Variants in PHF2 observed in about 807,000 individuals in gnomAD.
PHF2 encodes the protein PHD finger protein 2.
A neutral mutation model predicts 120.5 loss-of-function variants in PHF2; 27 were observed. The ratio of observed to expected loss-of-function variants is 0.22; its 90% CI spans 0.17 to 0.31. PHF2 has a LOEUF of 0.31. PHF2 is among the 10% of genes least tolerant of loss of function. PHF2 has a pLI of 1.00. For synonymous variants in PHF2, 568 were observed against 592.5 expected (o/e 0.96, Z 0.60); for missense variants, 1,024 against 1,434.8 (o/e 0.71, Z 4.63).
At position 93,640,471 on chromosome 9, in the gene PHF2, G is replaced by T. The variant is rs1357803782; in HGVS notation, c.299+3946G>T. On this transcript the variant is annotated intron_variant, in intron 3 of 21. Coordinates refer to ENST00000359246, the MANE Select transcript of PHF2 (RefSeq NM_005392.4). The stretch of plus-strand genomic sequence containing the variant: ...GCTTACTGGTTCTTTTCTTGGCCAT[G>T]TCTAGTCTACTGATGAGCCCATCAA... Among the ~76,000 whole-genome samples, 4 of 152,036 alleles carry T rather than the reference G, an allele frequency of 2.6e-5. No individual in the cohort carries two copies. The East Asian group carries it at 7.7e-4, about 29-fold the overall frequency.
chr9:93,578,581 C>T (rs1862877907), intron 1 of PHF2, among the ~76,000 whole-genome samples: 1 of 152,168 alleles, frequency 6.6e-6, no homozygotes, highest in Non-Finnish European at 1.5e-5. Flanking sequence ...GGCTGCTGCC[C>T]ACACTCGGGG....
rs41274426 is a variant in PHF2, at chr9:93,630,121, C to T, written c.184+66C>T. 1.1e-3 allele frequency: 1,580 copies of T among 1,487,866 alleles called. 1 individual carries two copies. The highest frequency in any genetic ancestry group is 3.1e-3 in the Middle Eastern group (13 of 4,188). The allele number at this position is 1,487,866 out of a possible 1,614,324, so 92.2% of individuals were successfully genotyped here. A position where few individuals can be genotyped will look rare whatever the true frequency, so the allele number is the denominator to read the frequency against. On this transcript the variant is annotated intron_variant, in intron 2 of 21. Transcript: ENST00000359246. ...AGCAGCATCCACCCTGCCTGGGCTG[C>T]GTGGAGGGTGAGGTCTCTGCTGGGC...
chr9:93,639,802 C>T (rs76725109), intron 3 of PHF2, among the ~76,000 whole-genome samples: 9,242 of 152,272 alleles, frequency 0.061, 390 homozygotes, highest in Non-Finnish European at 0.088. Flanking sequence ...GGAAGTCCTG[C>T]TCTCCCAAGA....
intron 1 of PHF2, among the ~76,000 whole-genome samples, chr9:93,610,473 T>A (rs1262672969): frequency 6.6e-6 from 1 of 152,214 alleles, no homozygotes; most frequent in Non-Finnish European, 1.5e-5. Context: ...TGTCTCAATC[T>A]CTCAGCTTAC....
At chr9:93,633,661 TG>T (rs1457601594) in intron 2 of PHF2, among the ~76,000 whole-genome samples, 3 of 152,212 alleles carry the variant, frequency 2.0e-5, no homozygotes, top group African/African-American at 7.2e-5. Flanking sequence ...CCCACGTCTC[TG>T]GCCTCAGTTG....
intron 1 of PHF2, among the ~76,000 whole-genome samples, chr9:93,609,909 T>C (rs538219619): frequency 1.3e-5 from 2 of 152,196 alleles, no homozygotes; most frequent in African/African-American, 4.8e-5. Flanking sequence ...GTTGGCGAGG[T>C]TGGTCTTGAA....
At chr9:93,582,339 C>T (rs764411834) in intron 1 of PHF2, among the ~76,000 whole-genome samples, 6 of 152,182 alleles carry the variant, frequency 3.9e-5, no homozygotes, top group Non-Finnish European at 7.3e-5. Flanking sequence ...GTAACACGGA[C>T]GGAAATGTAG....
rs1826931937 is a variant in PHF2 at position 93,677,087 on chromosome 9, G to A, written c.3202+124G>A. On this transcript the variant is annotated intron_variant, in intron 21 of 21. Coordinates refer to ENST00000359246, the MANE Select transcript of PHF2 (RefSeq NM_005392.4). The surrounding 1 kb of genome is among the most constrained non-coding windows in gnomAD (Gnocchi z 4.4). ...CATTGGGAGGGCTCCTGGGCCTTGG[G>A]TGGCAGGGTGCTGTGGTCCAAGTTG... The A allele has an allele frequency of 9.3e-7, 1 of 1,071,008 alleles. No individual in the cohort carries two copies. Among genetic ancestry groups the A allele is most frequent in the Admixed American group, 3.0e-5 (1 of 33,338 alleles). 66.3% of individuals were successfully genotyped at this position (1,071,008 alleles called of 1,614,324 possible). A position where few individuals can be genotyped will look rare whatever the true frequency, so the allele number is the denominator to read the frequency against.
In PHF2 at chr9:93,597,930, C is replaced by T. The variant is rs549752402; in HGVS notation, c.98+21059C>T. ...CCCAGGAGAGCATCTTGGCCTGACA[C>T]CTCTACTCCTCTGGGCACTCTGGGG... On this transcript the variant is annotated intron_variant, in intron 1 of 21. Transcript: ENST00000359246. Among the ~76,000 whole-genome samples, 9 of 152,320 alleles carry T rather than the reference C, an allele frequency of 5.9e-5. No individual in the cohort carries two copies. In the South Asian group the frequency reaches 6.2e-4, roughly 11 times the overall value.
chr9:93,637,136 G>A (rs111639447), intron 3 of PHF2, among the ~76,000 whole-genome samples: 6 of 152,198 alleles, frequency 3.9e-5, no homozygotes, highest in African/African-American at 7.2e-5. Context: ...GGATAATTCC[G>A]CTGGACGCAG....
At chr9:93,612,632 A>C (rs373523467) in intron 1 of PHF2, among the ~76,000 whole-genome samples, 1 of 152,252 alleles carries the variant, frequency 6.6e-6, no homozygotes, top group African/African-American at 2.4e-5. Flanking sequence ...CATCCTTCAC[A>C]TGCATTTCAG....
chr9:93,667,460 G>A (rs9644970), intron 17 of PHF2, among the ~76,000 whole-genome samples: 12 of 152,330 alleles, frequency 7.9e-5, no homozygotes, highest in African/African-American at 2.6e-4. Flanking sequence ...TTAATTTTTC[G>A]GGTAAATTCA....
rs1053878652 is a variant in PHF2 at position 93,675,301 on chromosome 9, T to C, written c.2722+279T>C. On this transcript the variant is annotated intron_variant, in intron 19 of 21. Coordinates refer to ENST00000359246, the MANE Select transcript of PHF2 (RefSeq NM_005392.4). ...CTCTGGCTGGCTCCTCTCTGGTTTC[T>C]TCCTCAATGGGCAGCTCTGTGAGGG... 5.9e-5 allele frequency among the ~76,000 whole-genome samples: 9 copies of C among 152,364 alleles called. No homozygotes were observed. The East Asian group carries it at 1.7e-3, about 29-fold the overall frequency.
chr9:93,622,390 G>A (rs1287689978), intron 1 of PHF2, among the ~76,000 whole-genome samples: 5 of 152,220 alleles, frequency 3.3e-5, no homozygotes, highest in African/African-American at 9.6e-5. Flanking sequence ...AAGAGGGGAG[G>A]AAGGGAAGCT....
At chr9:93,587,867 G>A (rs757283212) in intron 1 of PHF2, among the ~76,000 whole-genome samples, 3 of 152,144 alleles carry the variant, frequency 2.0e-5, no homozygotes, top group South Asian at 2.1e-4. Context: ...CTCACTGACC[G>A]TCCGTTCTCC....
At chr9:93,660,859 A>C (rs542855690) in intron 12 of PHF2, among the ~76,000 whole-genome samples, 1 of 152,248 alleles carries the variant, frequency 6.6e-6, no homozygotes, top group South Asian at 2.1e-4. Context: ...AAGGCAACAC[A>C]ATGTGTGTGT....
intron 3 of PHF2, 71 bp downstream of exon 3, chr9:93,636,596 G>T (rs368121782): frequency 9.3e-6 from 10 of 1,079,878 alleles, no homozygotes; most frequent in Non-Finnish European, 1.4e-5. Flanking sequence ...CCCTTGTCCC[G>T]CTATCCATTG....
Position 93,677,598 on chromosome 9 carries a change from G to C in PHF2, c.3213G>C (p.Thr1071=). The C allele has an allele frequency of 6.2e-7, 1 of 1,613,626 alleles. No homozygotes were observed. Among genetic ancestry groups the C allele is most frequent in the Non-Finnish European group, 8.5e-7 (1 of 1,179,846 alleles). ...NNNTAAKGKR[T]KKGMATAKQR... ...CCCCGACTCCCCTAGGAAAACGTAC[G>C]AAAAAGGGCATGGCGACCGCCAAGC... Residue 1071 remains threonine (T), a synonymous_variant, in exon 22 of 22, where the codon ACG becomes ACC. Transcript: ENST00000359246. This position sits in a 1 kb window ranked among gnomAD's most constrained non-coding sequence, Gnocchi z 4.4.
At chr9:93,647,452 A>AT (rs560007189) in intron 4 of PHF2, among the ~76,000 whole-genome samples, 5 of 151,458 alleles carry the variant, frequency 3.3e-5, no homozygotes, top group Non-Finnish European at 5.9e-5. Flanking sequence ...TTTCCTCTTA[A>AT]TTTTTTTTTA....
Sources: gnomAD v4.1 joint callset for allele counts (sites outside exome capture counted in the v4.1 genomes callset) on GRCh38, gnomAD v4.1.1 for gene constraint, Gnocchi (gnomAD v3.1) non-coding constraint, MANE v1.5 for transcripts, NCBI Gene and HGNC (gene_info 2026-07-23, HGNC 2026-07-21) for gene names.